The following TBC1D5 variants were observed in gnomAD, a reference collection of about 807,000 sequenced individuals.
The protein encoded by TBC1D5 is TBC1 domain family, member 5.
Under a neutral mutation model 100.3 loss-of-function variants are expected in TBC1D5, and 75 were observed. That is an observed-to-expected ratio of 0.75 (90% confidence interval 0.62 to 0.91). The LOEUF is 0.91. TBC1D5 is among the 40% of genes least tolerant of loss of function. TBC1D5 has a pLI of 0.00. For missense variants in TBC1D5, 910 were observed against 942.4 expected (o/e 0.97, Z 0.45); for synonymous variants, 323 against 325.6 (o/e 0.99, Z 0.09).
intron 2 of TBC1D5, among the ~76,000 whole-genome samples, chr3:17,555,913 G>A (rs1454047022): frequency 6.6e-6 from 1 of 152,154 alleles, no homozygotes; most frequent in African/African-American, 2.4e-5. Context: ...CAAGTTTTTC[G>A]GGGTTCTTTG....
intron 2 of TBC1D5, among the ~76,000 whole-genome samples, chr3:17,602,841 C>T (rs1216950758): frequency 6.6e-6 from 1 of 152,032 alleles, no homozygotes; most frequent in Non-Finnish European, 1.5e-5. Context: ...TCCCAAAGTG[C>T]TGGGATTACA....
intron 1 of TBC1D5, among the ~76,000 whole-genome samples, chr3:17,690,196 A>G (rs2070920073): frequency 7.5e-6 from 1 of 132,966 alleles, no homozygotes; most frequent in Non-Finnish European, 1.6e-5. Flanking sequence ...AAGCATAAAA[A>G]TAGCCATATT....
chr3:17,514,870 G>A (rs2095963065), intron 2 of TBC1D5, among the ~76,000 whole-genome samples: 1 of 151,874 alleles, frequency 6.6e-6, no homozygotes, highest in Non-Finnish European at 1.5e-5. Flanking sequence ...GGCCTAGTGA[G>A]CAAAACCAAA....
intron 15 of TBC1D5, among the ~76,000 whole-genome samples, chr3:17,275,110 T>C (rs2079838850): frequency 6.6e-6 from 1 of 152,158 alleles, no homozygotes; most frequent in African/African-American, 2.4e-5. Context: ...GAAACAATTA[T>C]TTCCAATTTG....
chr3:17,581,235 G>A (rs2096693873), intron 2 of TBC1D5, among the ~76,000 whole-genome samples: 1 of 152,170 alleles, frequency 6.6e-6, no homozygotes, highest in Non-Finnish European at 1.5e-5. Context: ...CTGGCCATGT[G>A]AACTGTGAGT....
At chr3:17,532,687 G>C (rs1184944753) in intron 2 of TBC1D5, among the ~76,000 whole-genome samples, 2 of 152,238 alleles carry the variant, frequency 1.3e-5, no homozygotes, top group East Asian at 3.9e-4. Context: ...TCCTTTGTAG[G>C]GACATGGATG....
intron 9 of TBC1D5, among the ~76,000 whole-genome samples, chr3:17,380,198 G>C (rs964320828): frequency 1.1e-4 from 17 of 151,618 alleles, no homozygotes; most frequent in African/African-American, 3.9e-4. Context: ...AGTGAAAAAA[G>C]CTAAGCTACA....
intron 1 of TBC1D5, among the ~76,000 whole-genome samples, chr3:17,714,103 A>AG (rs2075017251): frequency 6.6e-6 from 1 of 151,986 alleles, no homozygotes; most frequent in South Asian, 2.1e-4. Flanking sequence ...TTCCAGAGAG[A>AG]GCAGAATAGA....
exon 1 of TBC1D5, chr3:17,740,084 A>G (rs11719266): frequency 0.57 from 86,834 of 151,678 alleles, 25,675 homozygotes; most frequent in East Asian, 0.99. Flanking sequence ...GGAGGCCGAG[A>G]TGGACACATC....
chr3:17,186,710 C>CAAAAAAAA (rs58438478), intron 18 of TBC1D5, among the ~76,000 whole-genome samples: 15 of 27,280 alleles, frequency 5.5e-4, no homozygotes, highest in Non-Finnish European at 8.8e-4. Flanking sequence ...ACTCTATCTC[C>CAAAAAAAA]AAAAAAAAAA....
rs560677092 is a variant in TBC1D5, at chr3:17,268,276, A to T, written c.1246-9685T>A. Among the ~76,000 whole-genome samples, 3 of 152,236 alleles carry T rather than the reference A, an allele frequency of 2.0e-5. 1 individual carries two copies. The South Asian group carries it at 6.2e-4, about 32-fold the overall frequency. On this transcript the variant is annotated intron_variant, in intron 15 of 21. Transcript: ENST00000253692. ...TTGATACAGCTCTGCCTTAAAACCA[A>T]CTACTTTAATAATAATGATTGGAAA...
At chr3:17,510,058 C>A (rs2153232660) in intron 2 of TBC1D5, among the ~76,000 whole-genome samples, 1 of 151,916 alleles carries the variant, frequency 6.6e-6, no homozygotes, top group South Asian at 2.1e-4. Context: ...GTAACATAAT[C>A]TTTTAAATTT....
chr3:17,442,179 A>G (rs1045868425), intron 3 of TBC1D5, among the ~76,000 whole-genome samples: 1 of 152,212 alleles, frequency 6.6e-6, no homozygotes, highest in African/African-American at 2.4e-5. Flanking sequence ...CAGAAACTAG[A>G]AAAAGGAGGT....
rs145781448 is a variant in TBC1D5, at chr3:17,359,431, G to A, written c.995+12644C>T. On this transcript the variant is annotated intron_variant, in intron 13 of 21. Coordinates refer to ENST00000253692, the Ensembl canonical transcript of TBC1D5. ...ATTATGGGTCAGATAAAATTATACC[G>A]GTAAAACTCTGTCCTTAAAGTAACT... 3.7e-3 allele frequency among the ~76,000 whole-genome samples: 558 copies of A among 152,004 alleles called. 1 individual carries two copies. Among genetic ancestry groups the A allele is most frequent in the Non-Finnish European group, 5.8e-3 (392 of 67,928 alleles).
intron 3 of TBC1D5, among the ~76,000 whole-genome samples, chr3:17,501,653 T>C (rs2095789581): frequency 6.7e-6 from 1 of 149,136 alleles, no homozygotes; most frequent in South Asian, 2.1e-4. Flanking sequence ...ATAGCAAATA[T>C]CCTTATATTC....
Position 17,296,604 on chromosome 3 carries a change from A to G in TBC1D5, c.1139-4603T>C, listed in dbSNP as rs893686186. ...TCTCTTCAGTTTTGGAGAAAGCCAA[A>G]AATAAAACACAGTCATATCCCCCAC... On this transcript the variant is annotated intron_variant, in intron 14 of 21. Transcript: ENST00000253692. Among the ~76,000 whole-genome samples the G allele has an allele frequency of 3.3e-5, 5 of 152,246 alleles. No homozygotes were observed. In the East Asian group the frequency reaches 9.6e-4, roughly 29 times the overall value.
chr3:17,643,213 T>C (rs1478770988), intron 1 of TBC1D5, among the ~76,000 whole-genome samples: 1 of 152,138 alleles, frequency 6.6e-6, no homozygotes, highest in Non-Finnish European at 1.5e-5. Flanking sequence ...TGAGTTTGTC[T>C]AACGTCTTCT....
At chr3:17,336,974 T>A (rs1242737750) in intron 13 of TBC1D5, among the ~76,000 whole-genome samples, 1 of 152,122 alleles carries the variant, frequency 6.6e-6, no homozygotes, top group Admixed American at 6.6e-5. Context: ...CTACTAAGAA[T>A]CCATTCTGGC....
intron 3 of TBC1D5, among the ~76,000 whole-genome samples, chr3:17,478,296 G>T (rs2095462268): frequency 6.6e-6 from 1 of 151,752 alleles, no homozygotes; most frequent in Admixed American, 6.6e-5. Flanking sequence ...ATTTATTTTT[G>T]AATTAGTATC....
Sources: gnomAD v4.1 joint callset for allele counts (sites outside exome capture counted in the v4.1 genomes callset) on GRCh38, gnomAD v4.1.1 for gene constraint, MANE v1.5 for transcripts, NCBI Gene and HGNC (gene_info 2026-07-23, HGNC 2026-07-21) for gene names.